The following PRKAG2 variants were observed in gnomAD, a reference collection of about 807,000 sequenced individuals.
PRKAG2 encodes protein kinase AMP-activated non-catalytic subunit gamma 2, also known as 5'-AMP-activated protein kinase subunit gamma-2.
Under a neutral mutation model 69.6 loss-of-function variants are expected in PRKAG2, and 26 were observed. The observed-to-expected ratio is 0.37, with a 90% CI of 0.27 to 0.52. The LOEUF is 0.52. Among genes scored for constraint, PRKAG2 ranks in the 20% least tolerant of loss-of-function variants. The pLI is 0.90. For synonymous variants in PRKAG2, 293 were observed against 285.0 expected, an observed-to-expected ratio of 1.03 and a Z score of -0.28; for missense variants, 557 against 740.0, an observed-to-expected ratio of 0.75 and a Z score of 2.87.
chr7:151,724,745 T>C (rs975088062), intron 3 of PRKAG2, among the ~76,000 whole-genome samples: 34 of 147,664 alleles, frequency 2.3e-4, no homozygotes, highest in African/African-American at 8.6e-4. Context: ...CAAGTGCGGC[T>C]CTCCGCGCCA....
intron 4 of PRKAG2, among the ~76,000 whole-genome samples, chr7:151,669,939 C>CACCTGTGCACACAT (rs1831686402): frequency 1.7e-4 from 1 of 5,986 alleles, no homozygotes; most frequent in Non-Finnish European, 3.5e-4. Flanking sequence ...TGTGCACACA[C>CACCTGTGCACACAT]TTGCATGTAC....
chr7:151,628,179 A>C (rs972045527), intron 5 of PRKAG2, among the ~76,000 whole-genome samples: 12 of 152,208 alleles, frequency 7.9e-5, no homozygotes, highest in African/African-American at 2.4e-4. Context: ...GGACCGCTCT[A>C]AAGAGGCTGC....
Position 151,567,112 on chromosome 7 carries a change from G to A in PRKAG2, c.1234-1227C>T, listed in dbSNP as rs947161696. Among the ~76,000 whole-genome samples, 91 of 152,286 alleles carry A rather than the reference G, an allele frequency of 6.0e-4. No individual in the cohort carries two copies. The highest frequency in any genetic ancestry group is 2.0e-3 in the African/African-American group (85 of 41,560). On this transcript the variant is annotated intron_variant, in intron 11 of 15. Transcript: ENST00000287878. The surrounding 1 kb of genome is among the most constrained non-coding windows in gnomAD (Gnocchi z 4.2). ...AAATAGTTTGGGCTTGGGAGTCAGAGAGACTCCCGGGTTTGCAATCTACCA... is the reference window on the plus strand; with the variant it reads ...AAATAGTTTGGGCTTGGGAGTCAGAAAGACTCCCGGGTTTGCAATCTACCA...
At chr7:151,818,593 A>G (rs914450371) in intron 1 of PRKAG2, among the ~76,000 whole-genome samples, 1 of 152,252 alleles carries the variant, frequency 6.6e-6, no homozygotes, top group Non-Finnish European at 1.5e-5. Context: ...ACGCTGACCA[A>G]TAAAGCCCAT....
intron 4 of PRKAG2, among the ~76,000 whole-genome samples, chr7:151,667,367 C>T (rs1008608577): frequency 6.6e-6 from 1 of 152,242 alleles, no homozygotes. Flanking sequence ...ATTCTCAGAG[C>T]TGTCAACCAT....
intron 5 of PRKAG2, among the ~76,000 whole-genome samples, chr7:151,595,968 G>A (rs1243180234): frequency 1.3e-5 from 2 of 151,952 alleles, no homozygotes; most frequent in Admixed American, 6.6e-5. Flanking sequence ...CCAGGAGTTC[G>A]AGACCAGCCT....
At chr7:151,727,167 A>G (rs1341592677) in intron 3 of PRKAG2, among the ~76,000 whole-genome samples, 1 of 151,964 alleles carries the variant, frequency 6.6e-6, no homozygotes. Flanking sequence ...GTGAGCCAAG[A>G]TTGCGTCATT....
chr7:151,703,641 C>A (rs1363894930), intron 3 of PRKAG2, among the ~76,000 whole-genome samples: 1 of 152,058 alleles, frequency 6.6e-6, no homozygotes, highest in Non-Finnish European at 1.5e-5. Context: ...CACATGGCAG[C>A]CCCCTTCAAT....
intron 15 of PRKAG2, chr7:151,558,268 C>A: frequency 1.0e-6 from 1 of 985,478 alleles, no homozygotes; most frequent in Non-Finnish European, 1.2e-6. Flanking sequence ...AAAAGAATCA[C>A]CACTAGTACC....
chr7:151,678,259 A>T (rs1833271730), intron 3 of PRKAG2, among the ~76,000 whole-genome samples: 1 of 152,152 alleles, frequency 6.6e-6, no homozygotes, highest in African/African-American at 2.4e-5. Context: ...CCCCACCAAG[A>T]TCTACCGTCT....
intron 1 of PRKAG2, among the ~76,000 whole-genome samples, chr7:151,832,611 G>A (rs1313126926): frequency 7.4e-6 from 1 of 135,528 alleles, no homozygotes; most frequent in Non-Finnish European, 1.6e-5. Context: ...GGGGGTCCCA[G>A]CACAGCCCAC....
At chr7:151,846,793 C>G (rs2079442987) in intron 1 of PRKAG2, among the ~76,000 whole-genome samples, 1 of 152,306 alleles carries the variant, frequency 6.6e-6, no homozygotes, top group African/African-American at 2.4e-5. Context: ...AATGCCATGT[C>G]CTACAGTATT....
At chr7:151,876,067 C>A (rs1586766282) in intron 1 of PRKAG2, among the ~76,000 whole-genome samples, 2 of 145,832 alleles carry the variant, frequency 1.4e-5, no homozygotes, top group Non-Finnish European at 1.5e-5. Flanking sequence ...CACCCACCGC[C>A]CCTCCCCTCT....
intron 6 of PRKAG2, among the ~76,000 whole-genome samples, chr7:151,591,393 T>C (rs1434616838): frequency 6.6e-6 from 1 of 152,222 alleles, no homozygotes; most frequent in Admixed American, 6.5e-5. Flanking sequence ...CATGCGCTGA[T>C]AGCGGTGTGG....
chr7:151,557,257 T>C, intron 15 of PRKAG2, 25 bp from the exon 16 acceptor site: 1 of 1,613,942 alleles, frequency 6.2e-7, no homozygotes. Flanking sequence ...AAGATGAAAG[T>C]TTCAAAGCTC....
At chr7:151,579,362 T>C (rs778450924) in intron 6 of PRKAG2, among the ~76,000 whole-genome samples, 1 of 152,188 alleles carries the variant, frequency 6.6e-6, no homozygotes, top group Non-Finnish European at 1.5e-5. Flanking sequence ...ACTGTTTTCT[T>C]CAAAATGACA....
intron 1 of PRKAG2, among the ~76,000 whole-genome samples, chr7:151,792,412 C>A (rs2077306761): frequency 6.6e-6 from 1 of 152,226 alleles, no homozygotes; most frequent in Admixed American, 6.5e-5. Flanking sequence ...CGCTACTTAT[C>A]CCAATATTTC....
chr7:151,782,124 A>T (rs920069829), intron 2 of PRKAG2, among the ~76,000 whole-genome samples: 8 of 150,178 alleles, frequency 5.3e-5, no homozygotes, highest in South Asian at 2.1e-4. Context: ...ATAAAAAAAT[A>T]AAAAAAAAAT....
chr7:151,722,554 C>T (rs533659617), intron 3 of PRKAG2, among the ~76,000 whole-genome samples: 1 of 152,220 alleles, frequency 6.6e-6, no homozygotes, highest in Admixed American at 6.5e-5. Context: ...AAGGGCTCGG[C>T]TTTGATAAAG....
Sources: gnomAD v4.1 joint callset for allele counts (sites outside exome capture counted in the v4.1 genomes callset) on GRCh38, gnomAD v4.1.1 for gene constraint, Gnocchi (gnomAD v3.1) non-coding constraint, MANE v1.5 for transcripts, NCBI Gene and HGNC (gene_info 2026-07-23, HGNC 2026-07-21) for gene names.